Variants in IGSF21 observed in about 807,000 individuals in gnomAD.
IGSF21 encodes immunoglobulin superfamily member 21.
A neutral mutation model predicts 46.8 loss-of-function variants in IGSF21; 28 were observed. The observed-to-expected ratio is 0.60, with a 90% CI of 0.44 to 0.82. The LOEUF is 0.82. Among genes scored for constraint, IGSF21 ranks in the 40% least tolerant of loss-of-function variants. IGSF21 has a pLI of 0.00. For synonymous variants in IGSF21, 284 were observed against 273.6 expected, an observed-to-expected ratio of 1.04 and a Z score of -0.38; for missense variants, 624 against 665.5, an observed-to-expected ratio of 0.94 and a Z score of 0.69.
At chr1:18,112,135 A>G (rs1264209328) in intron 1 of IGSF21, 1 of 152,228 alleles carries the variant, frequency 6.6e-6, no homozygotes, top group East Asian at 1.9e-4. Flanking sequence ...GTTTAGTTCT[A>G]TTAACTGGGT....
intron 2 of IGSF21, among the ~76,000 whole-genome samples, chr1:18,281,678 T>C (rs1209507806): frequency 1.3e-5 from 2 of 151,952 alleles, no homozygotes; most frequent in African/African-American, 4.8e-5. Context: ...GGGCATTTGT[T>C]AAACTGGGAA....
chr1:18,326,134 C>T (rs1040339210), intron 3 of IGSF21, among the ~76,000 whole-genome samples: 2 of 151,760 alleles, frequency 1.3e-5, no homozygotes, highest in South Asian at 2.1e-4. Flanking sequence ...GACACTTTAT[C>T]GCCAGTTTTA....
chr1:18,348,230 G>A (rs1399165149), intron 4 of IGSF21, among the ~76,000 whole-genome samples: 1 of 152,194 alleles, frequency 6.6e-6, no homozygotes, highest in African/African-American at 2.4e-5. Context: ...CTTCTCTACA[G>A]CCTCTCAAGA....
intron 6 of IGSF21, among the ~76,000 whole-genome samples, chr1:18,375,471 C>T (rs1048269471): frequency 2.6e-5 from 4 of 152,204 alleles, no homozygotes; most frequent in African/African-American, 9.6e-5. Flanking sequence ...CGAGTGGCTC[C>T]TCCATCCCTG....
At chr1:18,163,980 TG>T (rs1294191542) in intron 1 of IGSF21, among the ~76,000 whole-genome samples, 1 of 152,190 alleles carries the variant, frequency 6.6e-6, no homozygotes. Flanking sequence ...GTTACTGATT[TG>T]GTGAATTACT....
chr1:18,287,490 T>TCA (rs2085226499), intron 2 of IGSF21, among the ~76,000 whole-genome samples: 1 of 152,130 alleles, frequency 6.6e-6, no homozygotes, highest in Non-Finnish European at 1.5e-5. Flanking sequence ...ACCTGTGTGT[T>TCA]TGTTCATCAA....
intron 4 of IGSF21, among the ~76,000 whole-genome samples, chr1:18,354,055 G>A (rs753389580): frequency 3.3e-5 from 5 of 152,254 alleles, no homozygotes; most frequent in Non-Finnish European, 7.3e-5. Context: ...TGGGGAGACA[G>A]ACGTTGACCC....
At chr1:18,150,377 CT>C (rs2086511197) in intron 1 of IGSF21, among the ~76,000 whole-genome samples, 1 of 151,594 alleles carries the variant, frequency 6.6e-6, no homozygotes, top group African/African-American at 2.4e-5. Flanking sequence ...AGACAGTTCA[CT>C]TGTAACAAGG....
intron 2 of IGSF21, among the ~76,000 whole-genome samples, chr1:18,287,042 G>A (rs891694470): frequency 3.3e-5 from 5 of 151,080 alleles, no homozygotes; most frequent in Non-Finnish European, 5.9e-5. Context: ...TTAGCCGGGC[G>A]TAGTGGCGGG....
intron 1 of IGSF21, among the ~76,000 whole-genome samples, chr1:18,117,927 G>C (rs1009986156): frequency 5.3e-5 from 8 of 152,188 alleles, no homozygotes; most frequent in Non-Finnish European, 1.2e-4. Flanking sequence ...GATGTGGGGG[G>C]CAGGTCTTCT....
At chr1:18,230,890 C>G (rs1371026264) in intron 2 of IGSF21, among the ~76,000 whole-genome samples, 1 of 151,984 alleles carries the variant, frequency 6.6e-6, no homozygotes, top group Non-Finnish European at 1.5e-5. Context: ...ACGAACCCCC[C>G]ACTGTGGCTT....
At chr1:18,134,866 T>C (rs1157568125) in intron 1 of IGSF21, among the ~76,000 whole-genome samples, 1 of 152,164 alleles carries the variant, frequency 6.6e-6, no homozygotes, top group Non-Finnish European at 1.5e-5. Flanking sequence ...AAATCCTACA[T>C]AGGGTTCCAC....
intron 2 of IGSF21, among the ~76,000 whole-genome samples, chr1:18,236,034 C>T (rs190766635): frequency 7.2e-5 from 11 of 152,210 alleles, no homozygotes; most frequent in Admixed American, 2.6e-4. Flanking sequence ...TTTGGGGCTT[C>T]GGCTGGGTTT....
chr1:18,242,658 G>A (rs1040251917), intron 2 of IGSF21, among the ~76,000 whole-genome samples: 19 of 152,254 alleles, frequency 1.2e-4, no homozygotes, highest in Admixed American at 3.9e-4. Flanking sequence ...TGCTTTCAAC[G>A]TTCCCCTTCA....
chr1:18,350,892 G>T (rs574660535), intron 4 of IGSF21, among the ~76,000 whole-genome samples: 1 of 152,188 alleles, frequency 6.6e-6, no homozygotes, highest in Non-Finnish European at 1.5e-5. Context: ...AGTGCGGTGG[G>T]GGGTAGGGGC....
intron 4 of IGSF21, among the ~76,000 whole-genome samples, chr1:18,351,210 C>A (rs1158533961): frequency 1.3e-5 from 2 of 152,102 alleles, no homozygotes; most frequent in Admixed American, 6.5e-5. Flanking sequence ...ACTAAAAAAG[C>A]CGTAACAACT....
Position 18,108,188 on chromosome 1 carries a change from C to G in IGSF21, c.60C>G (p.Asp20Glu). 11 of 1,438,626 alleles carry G rather than the reference C, an allele frequency of 7.6e-6. No homozygotes were observed. The highest frequency in any genetic ancestry group is 9.1e-6 in the Non-Finnish European group (10 of 1,098,206). The allele number at this position is 1,438,626 out of a possible 1,614,324, so 89.1% of individuals were successfully genotyped here. A position where few individuals can be genotyped will look rare whatever the true frequency, so the allele number is the denominator to read the frequency against. ...CVCLLLAAIL[D>E]LARGYLTVNI... The stretch of plus-strand genomic sequence containing the variant: ...GCCTGCTGCTCGCCGCGATCCTGGA[C>G]CTGGCGCGCGGTGAGTGCGCGGGCG... The change falls in exon 1 of 10, where the codon GAC (aspartate) becomes GAG (glutamate). Residue 20 changes from aspartate to glutamate, a missense_variant. Asp to Glu is a conservative substitution (Grantham distance 45). Coordinates refer to ENST00000251296, the MANE Select transcript of IGSF21 (RefSeq NM_032880.5).
intron 1 of IGSF21, among the ~76,000 whole-genome samples, chr1:18,172,115 T>C (rs1346651261): frequency 1.3e-5 from 2 of 152,244 alleles, no homozygotes; most frequent in Admixed American, 1.3e-4. Context: ...GGGACTTTGA[T>C]GAGGGCCTGG....
At chr1:18,355,758 G>C (rs1052288410) in intron 4 of IGSF21, among the ~76,000 whole-genome samples, 1 of 151,616 alleles carries the variant, frequency 6.6e-6, no homozygotes, top group Admixed American at 6.6e-5. Flanking sequence ...GCCCAGGTCT[G>C]GTGTTACACA....
Sources: gnomAD v4.1 joint callset for allele counts (sites outside exome capture counted in the v4.1 genomes callset) on GRCh38, gnomAD v4.1.1 for gene constraint, MANE v1.5 for transcripts, NCBI Gene and HGNC (gene_info 2026-07-23, HGNC 2026-07-21) for gene names.